Variants in PARL observed in about 807,000 individuals in gnomAD.
PARL encodes the protein presenilin associated rhomboid like.
Under a neutral mutation model 51.6 loss-of-function variants are expected in PARL, and 44 were observed. The observed-to-expected ratio is 0.85, with a 90% CI of 0.67 to 1.10. The LOEUF (loss-of-function observed/expected upper bound fraction) is 1.10. Ranked by LOEUF, PARL falls within the 50% of genes least tolerant of loss-of-function variation. The pLI is 0.00. For synonymous variants in PARL, 172 were observed against 164.0 expected, an observed-to-expected ratio of 1.05 and a Z score of -0.37; for missense variants, 441 against 469.5, an observed-to-expected ratio of 0.94 and a Z score of 0.56.
intron 3 of PARL, among the ~76,000 whole-genome samples, chr3:183,865,308 T>C (rs1732338153): frequency 2.0e-5 from 3 of 152,094 alleles, no homozygotes; most frequent in Admixed American, 1.3e-4. Context: ...ACGCTGTCTC[T>C]TAGAAAAAAA....
intron 4 of PARL, among the ~76,000 whole-genome samples, chr3:183,850,717 AAG>A (rs1398453212): frequency 6.6e-6 from 1 of 152,238 alleles, no homozygotes; most frequent in African/African-American, 2.4e-5. Flanking sequence ...CCTTTATGAA[AAG>A]AGATGCAAAA....
intron 1 of PARL, among the ~76,000 whole-genome samples, chr3:183,875,165 A>G (rs1053293979): frequency 2.0e-5 from 3 of 152,178 alleles, no homozygotes; most frequent in African/African-American, 4.8e-5. Flanking sequence ...CTGTAATCCT[A>G]GAACTTTGGG....
intron 1 of PARL, among the ~76,000 whole-genome samples, chr3:183,876,610 T>TAAAAAAAAAAAAAAAAAAA (rs576376716): frequency 3.4e-4 from 31 of 91,796 alleles, no homozygotes; most frequent in Non-Finnish European, 4.2e-4. Flanking sequence ...ATACATTTTG[T>TAAAAAAAAAAAAAAAAAAA]AAAAAAAAAA....
intron 7 of PARL, among the ~76,000 whole-genome samples, chr3:183,839,567 C>T (rs1729046997): frequency 6.6e-6 from 1 of 151,488 alleles, no homozygotes; most frequent in Non-Finnish European, 1.5e-5. Context: ...TACAAGCATG[C>T]ACAACCACAC....
At chr3:183,827,678 C>G (rs78283883), downstream of PARL, among the ~76,000 whole-genome samples, 1,519 of 152,144 alleles carry the variant, frequency 1.0e-2, 114 homozygotes, top group East Asian at 0.18. Context: ...CGAATGGCTC[C>G]GGGTTTCAGA....
intron 4 of PARL, among the ~76,000 whole-genome samples, chr3:183,857,632 G>C (rs976794016): frequency 1.3e-5 from 2 of 152,196 alleles, no homozygotes; most frequent in East Asian, 3.8e-4. Flanking sequence ...TGCAGAACTG[G>C]AAGTTCAGAG....
At position 183,882,222 on chromosome 3, in the gene PARL, A is replaced by AAAATAT. The variant is rs1401913573; in HGVS notation, c.125+2499_125+2500insATATTT. ...ATGTCTCTAAAAAAAAAAAAAAAAA[A>AAAATAT]ATATATATATATATATATATATTTA... On this transcript the variant is annotated intron_variant, in intron 1 of 9. Transcript: ENST00000317096. 4.6e-4 allele frequency among the ~76,000 whole-genome samples: 21 copies of AAAATAT among 46,112 alleles called. 1 individual carries two copies. Among genetic ancestry groups the AAAATAT allele is most frequent in the African/African-American group, 1.0e-3 (13 of 12,626 alleles). 30.3% of individuals were successfully genotyped at this position (46,112 alleles called of 152,430 possible). A position where few individuals can be genotyped will look rare whatever the true frequency, so the allele number is the denominator to read the frequency against.
chr3:183,865,291 G>C (rs1244966882), intron 3 of PARL, among the ~76,000 whole-genome samples: 1 of 152,166 alleles, frequency 6.6e-6, no homozygotes, highest in African/African-American at 2.4e-5. Flanking sequence ...CTAGGTGACA[G>C]AGTGGGACGC....
chr3:183,860,004 G>T (rs1353198113), intron 4 of PARL, among the ~76,000 whole-genome samples: 1 of 151,258 alleles, frequency 6.6e-6, no homozygotes, highest in Non-Finnish European at 1.5e-5. Flanking sequence ...GTCTCACAAA[G>T]CTTTAAAAAC....
At chr3:183,861,492 C>T (rs903392133) in intron 4 of PARL, among the ~76,000 whole-genome samples, 13 of 152,154 alleles carry the variant, frequency 8.5e-5, no homozygotes, top group Non-Finnish European at 2.9e-5. Flanking sequence ...AAAAAGAAAG[C>T]ACTTCCTAAA....
chr3:183,829,497 C>T lies in PARL; in HGVS notation c.*101G>A. The T allele has an allele frequency of 6.2e-7, 1 of 1,611,710 alleles. No individual in the cohort carries two copies. Among genetic ancestry groups the T allele is most frequent in the African/African-American group, 1.3e-5 (1 of 75,012 alleles). On this transcript the variant is annotated 3_prime_UTR_variant, in exon 10 of 10. Coordinates refer to ENST00000317096, the MANE Select transcript of PARL (RefSeq NM_018622.7). ...AAAACAGTGGGAGGCCAGATGCTGG[C>T]ATCTTCCAGACGGGAGCATAGCCAT...
chr3:183,882,282 TACACACAC>T (rs1222330580), intron 1 of PARL, among the ~76,000 whole-genome samples: 1 of 89,688 alleles, frequency 1.1e-5, no homozygotes. Context: ...TATATATATA[TACACACAC>T]ACATATATAT....
chr3:183,857,985 C>T (rs185181930), intron 4 of PARL, among the ~76,000 whole-genome samples: 302 of 152,266 alleles, frequency 2.0e-3, no homozygotes, highest in Middle Eastern at 3.4e-3. Context: ...GCTGTGTGAT[C>T]GCAGTTACTT....
chr3:183,842,214 T>C (rs933042039), intron 6 of PARL, 84 bp downstream of exon 6: 3 of 1,264,656 alleles, frequency 2.4e-6, no homozygotes, highest in Admixed American at 3.4e-5. Flanking sequence ...GTGTAGAATA[T>C]GGCAGTAATC....
chr3:183,843,490 G>A (rs1729578405), intron 5 of PARL, among the ~76,000 whole-genome samples: 1 of 151,986 alleles, frequency 6.6e-6, no homozygotes, highest in South Asian at 2.1e-4. Flanking sequence ...ACTCTAGCCT[G>A]GGCAACAGAG....
At chr3:183,882,416 TAGAG>T (rs146955187) in intron 1 of PARL, among the ~76,000 whole-genome samples, 3,186 of 104,388 alleles carry the variant, frequency 0.031, 103 homozygotes, top group African/African-American at 0.097. Context: ...CACATATATA[TAGAG>T]AGAGAGAGAG....
At position 183,829,691 on chromosome 3, in the gene PARL, A is replaced by G; in HGVS notation, c.1047T>C (p.Gly349=). Residue 349 remains glycine, a synonymous_variant, in exon 10 of 10, where the codon GGT becomes GGC. Transcript: ENST00000317096. ...CCCTGTTCTTCCAAATCAGTTCATG[A>G]CCGTAAGTAACATACCATCTGGAGA... ...ALFGIWYVTY[G]HELIWKNREP... 1 of 1,614,074 alleles carries G rather than the reference A, an allele frequency of 6.2e-7. No individual in the cohort carries two copies. The highest frequency in any genetic ancestry group is 8.5e-7 in the Non-Finnish European group (1 of 1,179,962).
intron 9 of PARL, among the ~76,000 whole-genome samples, chr3:183,831,369 G>A (rs1727919363): frequency 6.6e-6 from 1 of 152,184 alleles, no homozygotes; most frequent in Non-Finnish European, 1.5e-5. Context: ...AATCCAAAAG[G>A]AATTTTTCAT....
At chr3:183,858,669 A>G (rs905359849) in intron 4 of PARL, among the ~76,000 whole-genome samples, 6 of 152,182 alleles carry the variant, frequency 3.9e-5, no homozygotes, top group African/African-American at 1.2e-4. Flanking sequence ...GGGAGGAGAA[A>G]ATATTCTCTC....
Sources: gnomAD v4.1 joint callset for allele counts (sites outside exome capture counted in the v4.1 genomes callset) on GRCh38, gnomAD v4.1.1 for gene constraint, MANE v1.5 for transcripts, NCBI Gene and HGNC (gene_info 2026-07-23, HGNC 2026-07-21) for gene names.